TCF7L1: variants seen among roughly 807,000 people sequenced by gnomAD.
TCF7L1 encodes transcription factor 7-like 1.
In TCF7L1, 18 loss-of-function variants were observed where a neutral mutation model predicts 63.7. The observed-to-expected ratio is 0.28, with a 90% CI of 0.20 to 0.42. The LOEUF (loss-of-function observed/expected upper bound fraction) is 0.42. Ranked by LOEUF, TCF7L1 falls within the 10% of genes least tolerant of loss-of-function variation. The pLI is 1.00. For synonymous variants in TCF7L1, 355 were observed against 340.9 expected (o/e 1.04, Z -0.46); for missense variants, 654 against 779.3 (o/e 0.84, Z 1.91).
intron 3 of TCF7L1, among the ~76,000 whole-genome samples, chr2:85,282,838 G>A (rs1011861739): frequency 6.8e-6 from 1 of 147,414 alleles, no homozygotes; most frequent in Non-Finnish European, 1.5e-5. Context: ...GTGTGTGTGT[G>A]TGTGTTGGGG....
At chr2:85,241,589 G>A (rs1432684384) in intron 3 of TCF7L1, among the ~76,000 whole-genome samples, 20 of 151,742 alleles carry the variant, frequency 1.3e-4, no homozygotes, top group Non-Finnish European at 1.5e-5. Context: ...AGGATTACAG[G>A]TGCCCGCCAC....
In TCF7L1 at chr2:85,306,549, G is replaced by A. The variant is rs1288726321; in HGVS notation, c.1247G>A (p.Arg416Gln). ...CAGCTCTACCCAACCTGGTCAGCCC[G>A]GGACAACTATGTAAGTGCACACTCT... ...HSQLYPTWSA[R>Q]DNYGKKKKRK... Residue 416 changes from arginine (R) to glutamine (Q), a missense_variant, in exon 10 of 12, where the codon CGG (arginine) becomes CAG (glutamine). Transcript: ENST00000282111. This position sits in a 1 kb window ranked among gnomAD's most constrained non-coding sequence, Gnocchi z 4.3. 5.6e-6 allele frequency: 9 copies of A among 1,614,034 alleles called. No homozygotes were observed. Among genetic ancestry groups the A allele is most frequent in the African/African-American group, 1.3e-5 (1 of 74,928 alleles).
chr2:85,282,244 T>C (rs1352724871), intron 3 of TCF7L1, among the ~76,000 whole-genome samples: 1 of 152,170 alleles, frequency 6.6e-6, no homozygotes, highest in Non-Finnish European at 1.5e-5. Context: ...CACCTTGGCC[T>C]CCCAAAGTGC....
chr2:85,239,271 T>C (rs1680267663), intron 3 of TCF7L1, among the ~76,000 whole-genome samples: 1 of 152,104 alleles, frequency 6.6e-6, no homozygotes. Flanking sequence ...GTCGGAGGCC[T>C]TCCCTGTGGT....
At chr2:85,215,809 C>T (rs1475217857) in intron 3 of TCF7L1, among the ~76,000 whole-genome samples, 5 of 151,752 alleles carry the variant, frequency 3.3e-5, no homozygotes, top group Admixed American at 2.0e-4. Flanking sequence ...TGCTAGGACA[C>T]GGCTGTCTTT....
At position 85,309,256 on chromosome 2, in the gene TCF7L1, G is replaced by C; in HGVS notation, c.1561G>C (p.Ala521Pro). Residue 521 changes from alanine (A) to proline (P), a missense_variant, in exon 12 of 12, where the codon GCC becomes CCC. This residue lies in a region of TCF7L1 where 184 missense variants were observed against 204.0 expected (regional missense o/e 0.90). Transcript: ENST00000282111. Reference sequence around the variant, plus strand: ...GGCCCAGCTGGCTCTCCACTCTGCCGCCTTCCTGTCGGCTAAGGCTGCAGC... The same window carrying C: ...GGCCCAGCTGGCTCTCCACTCTGCCCCCTTCCTGTCGGCTAAGGCTGCAGC... Reference protein sequence around the residue: ...TRAQLALHSAAFLSAKAAASS... With the variant: ...TRAQLALHSAPFLSAKAAASS... The C allele has an allele frequency of 1.2e-6, 2 of 1,613,764 alleles. No homozygotes were observed. The highest frequency in any genetic ancestry group is 1.7e-6 in the Non-Finnish European group (2 of 1,179,964).
At chr2:85,157,429 A>AT (rs1186528290) in intron 3 of TCF7L1, among the ~76,000 whole-genome samples, 48 of 152,322 alleles carry the variant, frequency 3.2e-4, no homozygotes, top group African/African-American at 1.1e-3. Context: ...TTTACTCAAG[A>AT]GGAAATCAAG....
chr2:85,149,346 T>TATGTGTATAC (rs1677955611), intron 3 of TCF7L1, among the ~76,000 whole-genome samples: 4 of 151,734 alleles, frequency 2.6e-5, no homozygotes, highest in Admixed American at 6.6e-5. Context: ...TATATGTGTA[T>TATGTGTATAC]ACACACACAC....
chr2:85,181,347 C>T (rs1678801966), intron 3 of TCF7L1, among the ~76,000 whole-genome samples: 2 of 152,236 alleles, frequency 1.3e-5, no homozygotes, highest in Non-Finnish European at 2.9e-5. Flanking sequence ...TTCAAAACAG[C>T]CCCTGGGAAA....
chr2:85,283,257 C>G, intron 3 of TCF7L1, among the ~76,000 whole-genome samples: 1 of 100,948 alleles, frequency 9.9e-6, no homozygotes, highest in Non-Finnish European at 2.2e-5. Flanking sequence ...GCTTAGTTGT[C>G]ATTCGTGTCC....
At chr2:85,242,788 T>G (rs1680365598) in intron 3 of TCF7L1, among the ~76,000 whole-genome samples, 1 of 152,206 alleles carries the variant, frequency 6.6e-6, no homozygotes, top group Admixed American at 6.5e-5. Flanking sequence ...TTCTGTCTCC[T>G]TCAAGAAATC....
At chr2:85,226,605 C>T (rs1679956919) in intron 3 of TCF7L1, among the ~76,000 whole-genome samples, 1 of 151,960 alleles carries the variant, frequency 6.6e-6, no homozygotes. Context: ...CTCTTAGTTC[C>T]CATTCTCCTA....
At chr2:85,213,145 G>A (rs1346407454) in intron 3 of TCF7L1, among the ~76,000 whole-genome samples, 1 of 135,972 alleles carries the variant, frequency 7.4e-6, no homozygotes, top group Non-Finnish European at 1.6e-5. Flanking sequence ...TTTCCCTGTG[G>A]CTGGGGTGGG....
chr2:85,239,454 A>G (rs1375764630), intron 3 of TCF7L1, among the ~76,000 whole-genome samples: 2 of 151,960 alleles, frequency 1.3e-5, no homozygotes, highest in African/African-American at 4.8e-5. Flanking sequence ...TTTCTCCTCT[A>G]TGTGCAAACT....
chr2:85,255,513 C>G (rs568031495), intron 3 of TCF7L1, among the ~76,000 whole-genome samples: 9 of 152,266 alleles, frequency 5.9e-5, no homozygotes, highest in Non-Finnish European at 1.2e-4. Context: ...GGCAGCTTTC[C>G]CAGGGAGCCC....
chr2:85,136,118 C>T (rs1396166265), intron 3 of TCF7L1, among the ~76,000 whole-genome samples: 1 of 152,134 alleles, frequency 6.6e-6, no homozygotes. Context: ...AGAGAGGGGT[C>T]TGGGAGGCAC....
At chr2:85,243,276 G>A (rs7602052) in intron 3 of TCF7L1, among the ~76,000 whole-genome samples, 8,780 of 152,226 alleles carry the variant, frequency 0.058, 883 homozygotes, top group African/African-American at 0.2. Context: ...GTTCCCAGCC[G>A]TCACCCAGAG....
chr2:85,296,654 C>T (rs577207674), intron 4 of TCF7L1, among the ~76,000 whole-genome samples: 24 of 152,322 alleles, frequency 1.6e-4, no homozygotes, highest in African/African-American at 5.3e-4. Context: ...TTTCCACCTG[C>T]ATCGTTCCTT....
At chr2:85,276,406 G>C (rs1356557344) in intron 3 of TCF7L1, among the ~76,000 whole-genome samples, 1 of 152,182 alleles carries the variant, frequency 6.6e-6, no homozygotes, top group Non-Finnish European at 1.5e-5. Flanking sequence ...ATGGGCTCCT[G>C]TGTGGCGGCT....
Sources: gnomAD v4.1 joint callset for allele counts (sites outside exome capture counted in the v4.1 genomes callset) on GRCh38, gnomAD v4.1.1 for gene constraint, gnomAD v4.1.1 regional missense constraint, Gnocchi (gnomAD v3.1) non-coding constraint, MANE v1.5 for transcripts, NCBI Gene and HGNC (gene_info 2026-07-23, HGNC 2026-07-21) for gene names.